OGDH: variants seen among roughly 807,000 people sequenced by gnomAD.
OGDH encodes oxoglutarate dehydrogenase, also known as 2-oxoglutarate dehydrogenase complex component E1.
A neutral mutation model predicts 116.6 loss-of-function variants in OGDH; 38 were observed. The ratio of observed to expected loss-of-function variants is 0.33; its 90% CI spans 0.25 to 0.43. The LOEUF is 0.43. OGDH is among the 20% of genes least tolerant of loss of function. The pLI is 1.00. For missense variants in OGDH, 825 were observed against 1,357.2 expected (o/e 0.61, Z 6.16); for synonymous variants, 488 against 533.3 (o/e 0.92, Z 1.17).
intron 2 of OGDH, among the ~76,000 whole-genome samples, chr7:44,636,682 A>G (rs1785685605): frequency 6.6e-6 from 1 of 152,222 alleles, no homozygotes; most frequent in Admixed American, 6.5e-5. Context: ...ACTGTGAGGA[A>G]AGTGCATTAT....
chr7:44,684,523 A>G (rs570278777), intron 10 of OGDH, among the ~76,000 whole-genome samples: 49 of 152,288 alleles, frequency 3.2e-4, no homozygotes, highest in African/African-American at 1.2e-3. Flanking sequence ...CTTACTGCCT[A>G]CTGTGTCCCA....
intron 4 of OGDH, among the ~76,000 whole-genome samples, chr7:44,658,348 CT>C (rs1275803634): frequency 1.3e-5 from 2 of 150,898 alleles, no homozygotes; most frequent in Non-Finnish European, 1.5e-5. Flanking sequence ...CTATTATTTT[CT>C]TTTTTAACCT....
chr7:44,616,929 C>T (rs1426374551), intron 1 of OGDH, among the ~76,000 whole-genome samples: 10 of 125,548 alleles, frequency 8.0e-5, no homozygotes, highest in African/African-American at 2.2e-4. Context: ...CCATCCTGGA[C>T]GACAGAGCGA....
intron 20 of OGDH, among the ~76,000 whole-genome samples, chr7:44,704,075 G>C (rs12671663): frequency 0.093 from 14,123 of 152,126 alleles, 1,324 homozygotes; most frequent in East Asian, 0.35. Flanking sequence ...TATGTACTCA[G>C]AAGTGGAATT....
At chr7:44,659,342 G>A (rs557221676) in intron 4 of OGDH, among the ~76,000 whole-genome samples, 1 of 152,252 alleles carries the variant, frequency 6.6e-6, no homozygotes, top group African/African-American at 2.4e-5. Context: ...TATTGATGAG[G>A]GATATTGGTC....
At chr7:44,700,650 G>A (rs894261772) in intron 19 of OGDH, among the ~76,000 whole-genome samples, 13 of 152,152 alleles carry the variant, frequency 8.5e-5, no homozygotes, top group African/African-American at 2.4e-4. Flanking sequence ...CCCAGGGAGC[G>A]GCTCCTGAGC....
At chr7:44,695,742 A>G in intron 12 of OGDH, among the ~76,000 whole-genome samples, 1 of 151,986 alleles carries the variant, frequency 6.6e-6, no homozygotes, top group Non-Finnish European at 1.5e-5. Context: ...AGGGGTTCAA[A>G]CTCCGAGCAG....
chr7:44,679,020 A>C (rs77887092), intron 9 of OGDH, among the ~76,000 whole-genome samples: 2,041 of 152,304 alleles, frequency 0.013, 23 homozygotes, highest in Middle Eastern at 0.024. Flanking sequence ...GCAAAGGGAG[A>C]ACCCGCTCCT....
At chr7:44,672,748 T>C (rs918218983) in intron 5 of OGDH, among the ~76,000 whole-genome samples, 3 of 151,194 alleles carry the variant, frequency 2.0e-5, no homozygotes, top group Non-Finnish European at 2.9e-5. Flanking sequence ...GTTCAAGCGA[T>C]TCTCCTGCGT....
intron 5 of OGDH, among the ~76,000 whole-genome samples, chr7:44,668,064 A>G (rs1055602659): frequency 5.9e-5 from 9 of 152,178 alleles, no homozygotes; most frequent in Non-Finnish European, 1.0e-4. Flanking sequence ...CCCAGGGATT[A>G]ATGCTTGCTG....
rs1356555011 is a variant in OGDH, at chr7:44,694,325, C to T, written c.1516-99C>T. 1.1e-5 allele frequency: 16 copies of T among 1,421,926 alleles called. No homozygotes were observed. Among genetic ancestry groups the T allele is most frequent in the African/African-American group, 2.8e-5 (2 of 70,846 alleles). 88.1% of individuals were successfully genotyped at this position (1,421,926 alleles called of 1,614,324 possible). Reference sequence around the variant, plus strand: ...CAGGGCAGGCATGAGGAATGAAGAACGTGGCCATCACCTAGGAGAGATGGG... The same window carrying T: ...CAGGGCAGGCATGAGGAATGAAGAATGTGGCCATCACCTAGGAGAGATGGG... On this transcript the variant is annotated intron_variant, in intron 11 of 22. Coordinates refer to ENST00000222673, the MANE Select transcript of OGDH (RefSeq NM_002541.4). The surrounding 1 kb of genome is among the most constrained non-coding windows in gnomAD (Gnocchi z 4.2).
At chr7:44,649,123 G>A (rs1327135476) in intron 4 of OGDH, among the ~76,000 whole-genome samples, 1 of 152,048 alleles carries the variant, frequency 6.6e-6, no homozygotes, top group East Asian at 1.9e-4. Context: ...TCCCCAGCTG[G>A]TAGACTTGCT....
In OGDH at chr7:44,707,413, G is replaced by T. The variant is rs1307752360; in HGVS notation, c.2796+25G>T. On this transcript the variant is annotated intron_variant, in intron 21 of 22. Coordinates refer to ENST00000222673, the MANE Select transcript of OGDH (RefSeq NM_002541.4). The surrounding 1 kb of genome is among the most constrained non-coding windows in gnomAD (Gnocchi z 5.2). ...GGTGAGGGCAGGTGGTGCCATCAGGGTGTCCCCCCAGCGGGGGTCAGGGCT... is the reference window on the plus strand; with the variant it reads ...GGTGAGGGCAGGTGGTGCCATCAGGTTGTCCCCCCAGCGGGGGTCAGGGCT... 1 of 1,613,552 alleles carries T rather than the reference G, an allele frequency of 6.2e-7. No homozygotes were observed. The highest frequency in any genetic ancestry group is 8.5e-7 in the Non-Finnish European group (1 of 1,179,662).
intron 19 of OGDH, 43 bp downstream of exon 19, chr7:44,700,312 GC>G (rs1390554818): frequency 1.2e-6 from 2 of 1,609,450 alleles, no homozygotes; most frequent in Non-Finnish European, 1.7e-6. Flanking sequence ...GCCTGGCCCT[GC>G]CCTGTTGGTG....
intron 2 of OGDH, among the ~76,000 whole-genome samples, chr7:44,644,534 T>G (rs1377459977): frequency 6.6e-6 from 1 of 152,228 alleles, no homozygotes; most frequent in Non-Finnish European, 1.5e-5. Flanking sequence ...CTATGAAGAA[T>G]GTATATATTT....
intron 1 of OGDH, among the ~76,000 whole-genome samples, chr7:44,609,879 T>TC (rs1445937839): frequency 6.6e-6 from 1 of 152,252 alleles, no homozygotes; most frequent in East Asian, 1.9e-4. Flanking sequence ...TTATAGCCAT[T>TC]CCAATAAATG....
chr7:44,688,431 C>CTT (rs375502677), intron 10 of OGDH, among the ~76,000 whole-genome samples: 8,899 of 128,186 alleles, frequency 0.069, 512 homozygotes, highest in East Asian at 0.097. Flanking sequence ...TTTATATATA[C>CTT]TTTTTTTTTT....
chr7:44,657,030 A>T (rs565070895), intron 4 of OGDH, among the ~76,000 whole-genome samples: 4 of 152,226 alleles, frequency 2.6e-5, no homozygotes, highest in African/African-American at 7.2e-5. Context: ...GTGAAACTCT[A>T]CTTTTTAATT....
chr7:44,656,211 T>C (rs1216060415), intron 4 of OGDH: 1 of 1,056,018 alleles, frequency 9.5e-7, no homozygotes, highest in Non-Finnish European at 1.4e-6. Flanking sequence ...TGCTACCTGT[T>C]ACTGTGGTAA....
Sources: gnomAD v4.1 joint callset for allele counts (sites outside exome capture counted in the v4.1 genomes callset) on GRCh38, gnomAD v4.1.1 for gene constraint, Gnocchi (gnomAD v3.1) non-coding constraint, MANE v1.5 for transcripts, NCBI Gene and HGNC (gene_info 2026-07-23, HGNC 2026-07-21) for gene names.